Variants in SPON1 observed in about 807,000 individuals in gnomAD.
The protein encoded by SPON1 is spondin 1, also known as spondin-1.
SPON1 carries 52 observed loss-of-function variants against 111.7 expected under a neutral mutation model. The observed-to-expected ratio is 0.47, with a 90% CI of 0.37 to 0.59. The LOEUF (loss-of-function observed/expected upper bound fraction) is 0.59. SPON1 is among the 20% of genes least tolerant of loss of function. The pLI, the probability that SPON1 is intolerant of heterozygous loss-of-function variation, is 0.00. For missense variants in SPON1, 957 were observed against 1,068.5 expected (o/e 0.90, Z 1.46); for synonymous variants, 410 against 395.8 (o/e 1.04, Z -0.43).
At chr11:14,212,098 TATA>T (rs1268641442) in intron 6 of SPON1, among the ~76,000 whole-genome samples, 1 of 151,712 alleles carries the variant, frequency 6.6e-6, no homozygotes, top group African/African-American at 2.4e-5. Flanking sequence ...CTAATGTTAA[TATA>T]ATGTTAGTCT....
intron 6 of SPON1, among the ~76,000 whole-genome samples, chr11:14,167,845 C>T (rs771024390): frequency 2.8e-4 from 43 of 152,116 alleles, no homozygotes; most frequent in Non-Finnish European, 5.6e-4. Context: ...TCTTAGCCAC[C>T]TTGTTTATAC....
chr11:13,987,904 G>A (rs1848197831), intron 2 of SPON1, among the ~76,000 whole-genome samples: 1 of 152,126 alleles, frequency 6.6e-6, no homozygotes, highest in African/African-American at 2.4e-5. Context: ...CTGTTCCATT[G>A]GTCTATATAT....
At chr11:14,182,285 G>T (rs985879802) in intron 6 of SPON1, among the ~76,000 whole-genome samples, 1 of 152,242 alleles carries the variant, frequency 6.6e-6, no homozygotes, top group Admixed American at 6.5e-5. Context: ...TGTGAGAGAG[G>T]CTAACACACC....
At chr11:14,095,027 GT>G (rs1849087682) in intron 5 of SPON1, among the ~76,000 whole-genome samples, 3 of 152,346 alleles carry the variant, frequency 2.0e-5, no homozygotes, top group Admixed American at 6.5e-5. Flanking sequence ...GACAAGCTAG[GT>G]TTCTGGCTTG....
intron 2 of SPON1, among the ~76,000 whole-genome samples, chr11:13,999,868 A>G (rs1424446806): frequency 6.6e-6 from 1 of 152,034 alleles, no homozygotes; most frequent in Non-Finnish European, 1.5e-5. Context: ...CTGGTACCTT[A>G]TGTCCTATAG....
chr11:14,204,731 C>T (rs967800699), intron 6 of SPON1, among the ~76,000 whole-genome samples: 2 of 151,766 alleles, frequency 1.3e-5, no homozygotes, highest in Non-Finnish European at 2.9e-5. Flanking sequence ...GTTTGCCAGG[C>T]TGCAGTGCAG....
chr11:14,119,132 A>G (rs1849286189), intron 5 of SPON1, among the ~76,000 whole-genome samples: 2 of 152,132 alleles, frequency 1.3e-5, no homozygotes, highest in African/African-American at 4.8e-5. Context: ...TCTAATCCCC[A>G]CAATTATTTT....
chr11:14,014,000 CAGAGA>C (rs1554914013), intron 2 of SPON1, among the ~76,000 whole-genome samples: 1 of 152,150 alleles, frequency 6.6e-6, no homozygotes, highest in African/African-American at 2.4e-5. Flanking sequence ...ACATAGTAAT[CAGAGA>C]AGCCTGGTTC....
chr11:14,257,807 G>A lies in SPON1; in HGVS notation c.1401G>A (p.Gln467=), dbSNP rs782525302. 9 of 1,610,478 alleles carry A rather than the reference G, an allele frequency of 5.6e-6. No homozygotes were observed. The Admixed American group carries it at 1.5e-4, about 27-fold the overall frequency. ...STCDKGKRMR[Q]RMLKAQLDLS... Reference sequence around the variant, plus strand: ...GTGACAAAGGCAAGAGGATGCGACAGCGCATGCTGAAAGCACAGCTGGACC... The same window carrying A: ...GTGACAAAGGCAAGAGGATGCGACAACGCATGCTGAAAGCACAGCTGGACC... Residue 467 remains glutamine (Q), a synonymous_variant, in exon 11 of 16, where the codon CAG becomes CAA. Coordinates refer to ENST00000576479, the MANE Select transcript of SPON1 (RefSeq NM_006108.4).
intron 3 of SPON1, among the ~76,000 whole-genome samples, chr11:14,043,652 G>A (rs1246131163): frequency 6.6e-6 from 1 of 152,184 alleles, no homozygotes; most frequent in Non-Finnish European, 1.5e-5. Flanking sequence ...GAAAATGTCA[G>A]ATCTATGTGA....
At chr11:14,141,676 C>T (rs529041490) in intron 6 of SPON1, among the ~76,000 whole-genome samples, 58 of 152,324 alleles carry the variant, frequency 3.8e-4, no homozygotes, top group African/African-American at 1.4e-3. Context: ...TATATGGCTC[C>T]AGGAACTGGA....
chr11:14,038,381 A>C (rs566891672), intron 2 of SPON1, among the ~76,000 whole-genome samples: 1 of 151,902 alleles, frequency 6.6e-6, no homozygotes, highest in African/African-American at 2.4e-5. Flanking sequence ...AGGCAGGAAA[A>C]TTGCCTGAAC....
chr11:13,967,042 A>G (rs1848023332), intron 1 of SPON1, among the ~76,000 whole-genome samples: 1 of 152,214 alleles, frequency 6.6e-6, no homozygotes, highest in African/African-American at 2.4e-5. Flanking sequence ...TCCTTACAGT[A>G]CTTTGAGGAA....
At chr11:14,024,834 A>C (rs1848506404) in intron 2 of SPON1, among the ~76,000 whole-genome samples, 1 of 152,230 alleles carries the variant, frequency 6.6e-6, no homozygotes, top group African/African-American at 2.4e-5. Context: ...ATGTGAGGAC[A>C]TTGGTGTGTG....
At chr11:14,089,851 G>A (rs1242017649) in intron 5 of SPON1, among the ~76,000 whole-genome samples, 2 of 152,206 alleles carry the variant, frequency 1.3e-5, no homozygotes, top group Admixed American at 1.3e-4. Flanking sequence ...GCCCTGCCCT[G>A]TGAGGAGGAA....
At chr11:14,058,730 G>T (rs1564895633) in intron 3 of SPON1, among the ~76,000 whole-genome samples, 1 of 152,164 alleles carries the variant, frequency 6.6e-6, no homozygotes, top group African/African-American at 2.4e-5. Flanking sequence ...GCTGGGTATT[G>T]CTCTAATTTT....
At chr11:14,033,063 GAAGATGTCCCTT>G in intron 2 of SPON1, among the ~76,000 whole-genome samples, 1 of 152,300 alleles carries the variant, frequency 6.6e-6, no homozygotes, top group African/African-American at 2.4e-5. Context: ...ATCCTCCACA[GAAGATGTCCCTT>G]CTTATCCCAA....
chr11:14,145,089 G>A (rs1309696123), intron 6 of SPON1, among the ~76,000 whole-genome samples: 6 of 152,272 alleles, frequency 3.9e-5, no homozygotes, highest in African/African-American at 1.4e-4. Context: ...ACAGATACTC[G>A]ATACAGAAAT....
intron 3 of SPON1, among the ~76,000 whole-genome samples, chr11:14,047,123 G>T (rs1848674258): frequency 6.6e-6 from 1 of 152,024 alleles, no homozygotes; most frequent in African/African-American, 2.4e-5. Context: ...CGATGTAAAT[G>T]ATCATATCTT....
Sources: allele counts gnomAD v4.1 joint callset (sites outside exome capture counted in the v4.1 genomes callset), GRCh38; gene constraint gnomAD v4.1.1; transcripts MANE v1.5; gene names NCBI Gene and HGNC (gene_info 2026-07-23, HGNC 2026-07-21).